The following ZFP62 variants were observed in gnomAD, a reference collection of about 807,000 sequenced individuals.
ZFP62 encodes the protein zinc finger protein 62 homolog.
A neutral mutation model predicts 56.4 loss-of-function variants in ZFP62; 44 were observed. The observed-to-expected ratio is 0.78, with a 90% CI of 0.61 to 1.00. The LOEUF (loss-of-function observed/expected upper bound fraction) is 1.00, where lower values mean the gene tolerates loss of function less well. Among genes scored for constraint, ZFP62 ranks in the 50% least tolerant of loss-of-function variants. ZFP62 has a pLI of 0.00. For missense variants in ZFP62, 1,030 were observed against 1,085.7 expected (o/e 0.95, Z 0.72); for synonymous variants, 421 against 388.9 (o/e 1.08, Z -0.97).
chr5:180,853,797 C>T (rs892179165), intron 1 of ZFP62, among the ~76,000 whole-genome samples: 1 of 152,072 alleles, frequency 6.6e-6, no homozygotes, highest in Non-Finnish European at 1.5e-5. Context: ...ATGAACAAAG[C>T]GATTCTGAAA....
At chr5:180,832,226 A>ACTGCAGCCTCAACCTTC in the ZFP62 span, among the ~76,000 whole-genome samples, 158 of 152,258 alleles carry the variant, frequency 1.0e-3, no homozygotes, top group African/African-American at 3.6e-3. Flanking sequence ...ATCATGGCTC[A>ACTGCAGCCTCAACCTTC]CTGCAGCCTC....
chr5:180,857,303 C>T (rs910263097), intron 1 of ZFP62, among the ~76,000 whole-genome samples: 5 of 140,248 alleles, frequency 3.6e-5, no homozygotes, highest in Admixed American at 7.7e-5. Context: ...GCTTTGTGGG[C>T]CACACAGAAC....
At chr5:180,844,878 G>GA (rs1390782062), downstream of ZFP62, among the ~76,000 whole-genome samples, 1 of 152,194 alleles carries the variant, frequency 6.6e-6, no homozygotes, top group Non-Finnish European at 1.5e-5. Flanking sequence ...TCTAGATGCT[G>GA]AGTCTTTGGA....
chr5:180,849,066 T>A lies in ZFP62; in HGVS notation c.2429A>T (p.Lys810Met), dbSNP rs1773533471. Reference sequence around the variant, plus strand: ...CCCACACTCACAATTATAGGGCTGCTTCCCCTGGTGGACACTTTTATGATT... The same window carrying A: ...CCCACACTCACAATTATAGGGCTGCATCCCCTGGTGGACACTTTTATGATT... ...LINHKSVHQG[K>M]QPYNCECGKS... Residue 810 changes from lysine (K) to methionine (M), a missense_variant, in exon 2 of 2, where the codon AAG becomes ATG. Coordinates refer to ENST00000502412, the MANE Select transcript of ZFP62 (RefSeq NM_001172638.2). 1 of 1,552,342 alleles carries A rather than the reference T, an allele frequency of 6.4e-7. No individual in the cohort carries two copies. The highest frequency in any genetic ancestry group is 1.4e-5 in the African/African-American group (1 of 73,066).
At position 180,850,880 on chromosome 5, in the gene ZFP62, G is replaced by C; in HGVS notation, c.615C>G (p.Ala205=). Residue 205 remains alanine, a synonymous_variant, in exon 2 of 2, where the codon GCC becomes GCG. Transcript: ENST00000502412. ...KPYKCEECGK[A]YMSYSSLINH... is the part of the protein sequence containing the mutation. The stretch of plus-strand genomic sequence containing the variant: ...TTATAAGGCTGGAGTAGGACATGTA[G>C]GCTTTCCCACATTCCTCACACTTGT... 1 of 1,565,996 alleles carries C rather than the reference G, an allele frequency of 6.4e-7. No homozygotes were observed. The highest frequency in any genetic ancestry group is 8.7e-7 in the Non-Finnish European group (1 of 1,155,592).
chr5:180,848,376 T>C lies in ZFP62; in HGVS notation c.*416A>G. 6.1e-6 allele frequency: 6 copies of C among 990,540 alleles called. No homozygotes were observed. Among genetic ancestry groups the C allele is most frequent in the Non-Finnish European group, 7.2e-6 (6 of 833,404 alleles). The allele number at this position is 990,540 out of a possible 1,614,324, so 61.4% of individuals were successfully genotyped here. On this transcript the variant is annotated 3_prime_UTR_variant, in exon 2 of 2. Transcript: ENST00000502412. ...GGCCCTTAGTTTTCCCACTGACCAATGTGTAATTGGGATTCAAAGCTATAC... is the reference window on the plus strand; with the variant it reads ...GGCCCTTAGTTTTCCCACTGACCAACGTGTAATTGGGATTCAAAGCTATAC...
downstream of ZFP62, chr5:180,845,754 G>A (rs146730407): frequency 8.8e-4 from 871 of 985,400 alleles, 24 homozygotes; most frequent in Admixed American, 0.045. Context: ...TCTGCCTTCA[G>A]CTAACACCAT....
In ZFP62 at chr5:180,856,103, G is replaced by T. The variant is rs138813616; in HGVS notation, c.2-4610C>A. 9.6e-3 allele frequency among the ~76,000 whole-genome samples: 1,466 copies of T among 152,254 alleles called. 23 individuals carry two copies. Among genetic ancestry groups the T allele is most frequent in the African/African-American group, 0.032 (1,338 of 41,536 alleles). On this transcript the variant is annotated intron_variant, in intron 1 of 1. Transcript: ENST00000502412. Reference sequence around the variant, plus strand: ...TGTTAGACTGGCTGCTGACTGGCCTGGTCTGCCTAAAATCACAGACACTTT... The same window carrying T: ...TGTTAGACTGGCTGCTGACTGGCCTTGTCTGCCTAAAATCACAGACACTTT...
chr5:180,830,386 G>A, the ZFP62 span: 1 of 152,364 alleles, frequency 6.6e-6, no homozygotes, highest in Admixed American at 6.5e-5. Context: ...CAGGCCAGAT[G>A]GCGAGATCCG....
chr5:180,850,865 G>A lies in ZFP62; in HGVS notation c.630C>T (p.Ser210=). Residue 210 remains serine (S), a synonymous_variant, in exon 2 of 2, where the codon TCC becomes TCT. Transcript: ENST00000502412. Reference sequence around the variant, plus strand: ...GGGTGCTTTTGTGGTTTATAAGGCTGGAGTAGGACATGTAGGCTTTCCCAC... The same window carrying A: ...GGGTGCTTTTGTGGTTTATAAGGCTAGAGTAGGACATGTAGGCTTTCCCAC... ...EECGKAYMSY[S]SLINHKSTHS... is the part of the protein sequence containing the mutation. The A allele has an allele frequency of 6.4e-7, 1 of 1,563,378 alleles. No individual in the cohort carries two copies. Among genetic ancestry groups the A allele is most frequent in the Non-Finnish European group, 8.7e-7 (1 of 1,154,308 alleles).
the ZFP62 span, among the ~76,000 whole-genome samples, chr5:180,829,061 GCT>G: frequency 6.6e-6 from 1 of 152,156 alleles, no homozygotes. Context: ...CCGGTTCTCT[GCT>G]CTTAGACCCT....
chr5:180,836,336 C>T, the ZFP62 span, among the ~76,000 whole-genome samples: 1 of 152,248 alleles, frequency 6.6e-6, no homozygotes, highest in African/African-American at 2.4e-5. Flanking sequence ...TCTGAAGGCT[C>T]TAGAGGCAAA....
rs561822206 is a variant in ZFP62, at chr5:180,851,395, T to C, written c.100A>G (p.Met34Val). 4 of 1,551,668 alleles carry C rather than the reference T, an allele frequency of 2.6e-6. No homozygotes were observed. The highest frequency in any genetic ancestry group is 2.6e-6 in the Non-Finnish European group (3 of 1,146,990). Residue 34 changes from methionine to valine, a missense_variant, in exon 2 of 2, where the codon ATG becomes GTG. By Grantham distance (21) the Met-to-Val change is conservative. Coordinates refer to ENST00000502412, the MANE Select transcript of ZFP62 (RefSeq NM_001172638.2). ...GTGTCACCAACCTTAGATTCAGGCA[T>C]AGGATCCTCCACTTTTGGCCACTTA... is the stretch of plus-strand genomic sequence containing the variant. ...ASKWPKVEDP[M>V]PESKVGDTCV... is the part of the protein sequence containing the mutation.
At chr5:180,841,036 A>G in the ZFP62 span, among the ~76,000 whole-genome samples, 8 of 152,130 alleles carry the variant, frequency 5.3e-5, no homozygotes, top group Admixed American at 1.3e-4. Context: ...TTCTGAGGAC[A>G]GGGTCTAAGA....
chr5:180,848,077 C>T lies in ZFP62; in HGVS notation c.*715G>A. 1.0e-6 allele frequency: 1 copy of T among 985,318 alleles called. No homozygotes were observed. Among genetic ancestry groups the T allele is most frequent in the Non-Finnish European group, 1.2e-6 (1 of 829,916 alleles). 61.0% of individuals were successfully genotyped at this position (985,318 alleles called of 1,614,324 possible). On this transcript the variant is annotated 3_prime_UTR_variant, in exon 2 of 2. Coordinates refer to ENST00000502412, the MANE Select transcript of ZFP62 (RefSeq NM_001172638.2). Reference sequence around the variant, plus strand: ...TTCATCATTCATTATGGGAGTTCATCTGAAACTTTAAAAAAGTTTCATCCA... The same window carrying T: ...TTCATCATTCATTATGGGAGTTCATTTGAAACTTTAAAAAAGTTTCATCCA...
Position 180,848,879 on chromosome 5 carries a change from A to G in ZFP62, c.2616T>C (p.Tyr872=). 2.6e-6 allele frequency: 4 copies of G among 1,551,698 alleles called. No individual in the cohort carries two copies. Among genetic ancestry groups the G allele is most frequent in the Non-Finnish European group, 3.5e-6 (4 of 1,146,972 alleles). ...HTGEESLNVI[Y]VGSYSGTSQK... is the part of the protein sequence containing the mutation. ...GGGATGTGCCACTATAACTTCCCAC[A>G]TATATCACATTTAAAGATTCCTCTC... is the stretch of plus-strand genomic sequence containing the variant. The change falls in exon 2 of 2, where the codon TAT becomes TAC. Residue 872 remains tyrosine (Y), a synonymous_variant. Coordinates refer to ENST00000502412, the MANE Select transcript of ZFP62 (RefSeq NM_001172638.2).
Position 180,848,610 on chromosome 5 carries a change from A to G in ZFP62, c.*182T>C. 1 of 1,358,840 alleles carries G rather than the reference A, an allele frequency of 7.4e-7. No homozygotes were observed. The highest frequency in any genetic ancestry group is 9.4e-7 in the Non-Finnish European group (1 of 1,058,582). 84.2% of individuals were successfully genotyped at this position (1,358,840 alleles called of 1,614,324 possible). On this transcript the variant is annotated 3_prime_UTR_variant, in exon 2 of 2. Coordinates refer to ENST00000502412, the MANE Select transcript of ZFP62 (RefSeq NM_001172638.2). ...TTTTATATCCTGTAAGAGCTGAACT[A>G]CCTTGACACTGGAGCCTTTCTTGCT...
chr5:180,831,434 G>T, the ZFP62 span: 4 of 151,566 alleles, frequency 2.6e-5, no homozygotes, highest in Admixed American at 6.6e-5. Flanking sequence ...TTTTTGAGAC[G>T]GAGTTTCGCT....
the ZFP62 span, among the ~76,000 whole-genome samples, chr5:180,839,373 A>G: frequency 1.3e-5 from 2 of 152,202 alleles, no homozygotes; most frequent in Non-Finnish European, 2.9e-5. Context: ...AGTTTCTTTC[A>G]TAACAGTCAC....
Sources: allele counts gnomAD v4.1 joint callset (sites outside exome capture counted in the v4.1 genomes callset), GRCh38; gene constraint gnomAD v4.1.1; transcripts MANE v1.5; gene names NCBI Gene and HGNC (gene_info 2026-07-23, HGNC 2026-07-21).